The following EYA4 variants were observed in gnomAD, a reference collection of about 807,000 sequenced individuals.
EYA4 encodes the protein EYA transcriptional coactivator and phosphatase 4, also known as protein phosphatase EYA4.
A neutral mutation model predicts 87.9 loss-of-function variants in EYA4; 31 were observed. The observed-to-expected ratio is 0.35, with a 90% CI of 0.27 to 0.48. The LOEUF (loss-of-function observed/expected upper bound fraction) is 0.48, where lower values mean the gene tolerates loss of function less well. EYA4 is among the 20% of genes least tolerant of loss of function. The pLI, the probability that EYA4 is intolerant of heterozygous loss-of-function variation, is 0.99. For missense variants in EYA4, 678 were observed against 761.4 expected (o/e 0.89, Z 1.29); for synonymous variants, 263 against 270.6 (o/e 0.97, Z 0.28).
intron 1 of EYA4, among the ~76,000 whole-genome samples, chr6:133,243,091 T>C (rs531939896): frequency 8.7e-4 from 128 of 146,708 alleles, no homozygotes; most frequent in Non-Finnish European, 1.5e-3. Context: ...AGCAACTTCG[T>C]GTGTGTGTGT....
At position 133,390,282 on chromosome 6, in the gene EYA4, G is replaced by A. The variant is rs555929165; in HGVS notation, c.83+7841G>A. Among the ~76,000 whole-genome samples, 218 of 152,160 alleles carry A rather than the reference G, an allele frequency of 1.4e-3. 1 individual carries two copies. The highest frequency in any genetic ancestry group is 4.9e-3 in the African/African-American group (202 of 41,536). On this transcript the variant is annotated intron_variant, in intron 3 of 19. Transcript: ENST00000355286. Reference sequence around the variant, plus strand: ...TCACCCAGACTGGAGTGCGGTGGCAGAATCTCGGCTCACTGTATCCTCCAC... The same window carrying A: ...TCACCCAGACTGGAGTGCGGTGGCAAAATCTCGGCTCACTGTATCCTCCAC...
chr6:133,462,712 A>G lies in EYA4; in HGVS notation c.672A>G (p.Pro224=), dbSNP rs777434048. 1.9e-6 allele frequency: 3 copies of G among 1,613,948 alleles called. No individual in the cohort carries two copies. Among genetic ancestry groups the G allele is most frequent in the Non-Finnish European group, 1.7e-6 (2 of 1,179,908 alleles). ...PLQSGCLSYS[P]GFSTPQPGQT... ...AGAGTGGCTGCCTCAGTTACAGCCC[A>G]GGGTTCTCTACCCCACAGCCAGGCC... Residue 224 remains proline, a synonymous_variant, in exon 9 of 20, where the codon CCA becomes CCG. Coordinates refer to ENST00000355286, the MANE Select transcript of EYA4 (RefSeq NM_004100.5).
At chr6:133,472,521 G>T (rs1426038124) in intron 11 of EYA4, among the ~76,000 whole-genome samples, 1 of 72,678 alleles carries the variant, frequency 1.4e-5, no homozygotes, top group African/African-American at 8.0e-5. Context: ...CAAGTATGTG[G>T]TCAATTTTGG....
At chr6:133,388,263 A>C (rs159413) in intron 3 of EYA4, among the ~76,000 whole-genome samples, 36,106 of 151,620 alleles carry the variant, frequency 0.24, 4,499 homozygotes, top group African/African-American at 0.28. Context: ...AAAAATTAGT[A>C]GGGCATAGTG....
chr6:133,348,360 A>G (rs1783371483), intron 2 of EYA4, among the ~76,000 whole-genome samples: 1 of 126,098 alleles, frequency 7.9e-6, no homozygotes, highest in Non-Finnish European at 1.6e-5. Context: ...TGCAACCTCC[A>G]CCTCCCGGGT....
At chr6:133,335,889 G>A (rs1292505046) in intron 2 of EYA4, among the ~76,000 whole-genome samples, 1 of 152,176 alleles carries the variant, frequency 6.6e-6, no homozygotes, top group Non-Finnish European at 1.5e-5. Context: ...GAGAGACAGT[G>A]AGTGAGCATT....
intron 2 of EYA4, among the ~76,000 whole-genome samples, chr6:133,373,332 T>C (rs1246722694): frequency 6.6e-6 from 1 of 152,032 alleles, no homozygotes; most frequent in Non-Finnish European, 1.5e-5. Context: ...TTCCAATATC[T>C]TTAAAAAAAT....
chr6:133,477,001 T>G (rs947488071), intron 11 of EYA4, among the ~76,000 whole-genome samples: 1 of 148,606 alleles, frequency 6.7e-6, no homozygotes, highest in African/African-American at 2.6e-5. Context: ...ATCTGACAGT[T>G]TTATACATGT....
At chr6:133,356,785 G>A (rs866903660) in intron 2 of EYA4, among the ~76,000 whole-genome samples, 2 of 94,080 alleles carry the variant, frequency 2.1e-5, no homozygotes, top group Non-Finnish European at 4.1e-5. Flanking sequence ...GTGTGTGTGT[G>A]TGTGTGTATA....
At chr6:133,454,070 A>G (rs906896809) in intron 5 of EYA4, among the ~76,000 whole-genome samples, 1 of 152,198 alleles carries the variant, frequency 6.6e-6, no homozygotes, top group African/African-American at 2.4e-5. Flanking sequence ...TGAAATTCAA[A>G]GTAACAAAAC....
intron 6 of EYA4, among the ~76,000 whole-genome samples, chr6:133,459,761 T>C (rs1036440690): frequency 1.3e-5 from 2 of 152,102 alleles, no homozygotes; most frequent in Non-Finnish European, 2.9e-5. Flanking sequence ...TGTAGAAAAG[T>C]AATAGTTTAT....
intron 2 of EYA4, among the ~76,000 whole-genome samples, chr6:133,282,368 G>C (rs1026705889): frequency 2.0e-5 from 3 of 152,180 alleles, no homozygotes; most frequent in Admixed American, 6.5e-5. Flanking sequence ...GTTCATGTTT[G>C]TTGGCCGCTT....
Position 133,287,702 on chromosome 6 carries a change from C to T in EYA4, c.33+12889C>T, listed in dbSNP as rs113426713. Among the ~76,000 whole-genome samples the T allele has an allele frequency of 2.2e-3, 339 of 152,176 alleles. 2 individuals are homozygous for T. The highest frequency in any genetic ancestry group is 7.6e-3 in the African/African-American group (316 of 41,508). On this transcript the variant is annotated intron_variant, in intron 2 of 19. Transcript: ENST00000355286. ...TAATGGAAAATTACATATAATTTTT[C>T]GGCAAGAGATTAATATATTTAAAAT...
At chr6:133,349,132 T>G (rs1213666822) in intron 2 of EYA4, among the ~76,000 whole-genome samples, 2 of 152,236 alleles carry the variant, frequency 1.3e-5, no homozygotes, top group African/African-American at 4.8e-5. Flanking sequence ...AACGTTCATC[T>G]CTTAAGTGTT....
intron 17 of EYA4, among the ~76,000 whole-genome samples, chr6:133,519,262 A>G (rs1799884377): frequency 6.6e-6 from 1 of 150,732 alleles, no homozygotes; most frequent in South Asian, 2.1e-4. Flanking sequence ...AGACTAATAA[A>G]GAAAAAAAGA....
At chr6:133,487,327 G>C (rs77280950) in intron 13 of EYA4, among the ~76,000 whole-genome samples, 3,110 of 152,262 alleles carry the variant, frequency 0.02, 116 homozygotes, top group African/African-American at 0.07. Flanking sequence ...TCCTGGACAA[G>C]TCCTGCTGCT....
intron 1 of EYA4, among the ~76,000 whole-genome samples, chr6:133,271,910 G>T (rs1469181777): frequency 6.6e-6 from 1 of 152,156 alleles, no homozygotes; most frequent in Non-Finnish European, 1.5e-5. Flanking sequence ...ATACCTTCCT[G>T]GTTTTTGATC....
At chr6:133,266,994 C>A (rs1313750614) in intron 1 of EYA4, among the ~76,000 whole-genome samples, 3 of 152,040 alleles carry the variant, frequency 2.0e-5, no homozygotes, top group Non-Finnish European at 4.4e-5. Flanking sequence ...GTAAATAAGA[C>A]AAACATTCCC....
intron 2 of EYA4, among the ~76,000 whole-genome samples, chr6:133,349,164 C>A (rs1423685243): frequency 6.6e-6 from 1 of 152,196 alleles, no homozygotes; most frequent in Admixed American, 6.5e-5. Flanking sequence ...CTCCCTCAGC[C>A]CCTTCGGGTG....
Sources: allele counts gnomAD v4.1 joint callset (sites outside exome capture counted in the v4.1 genomes callset), GRCh38; gene constraint gnomAD v4.1.1; transcripts MANE v1.5; gene names NCBI Gene and HGNC (gene_info 2026-07-23, HGNC 2026-07-21).